The following TIMP2 variants were observed in gnomAD, a reference collection of about 807,000 sequenced individuals.
TIMP2 encodes metalloproteinase inhibitor 2.
A neutral mutation model predicts 24.3 loss-of-function variants in TIMP2; 5 were observed. The ratio of observed to expected loss-of-function variants is 0.21; its 90% CI spans 0.11 to 0.43. TIMP2 has a LOEUF of 0.43. Among genes scored for constraint, TIMP2 ranks in the 20% least tolerant of loss-of-function variants. The probability of loss-of-function intolerance (pLI) is 1.00; values close to 1 mark genes in which losing one functional copy is unlikely to be tolerated. For missense variants in TIMP2, 221 were observed against 297.5 expected (o/e 0.74, Z 1.89); for synonymous variants, 130 against 123.2 (o/e 1.06, Z -0.37).
In TIMP2 at chr17:78,879,792, G is replaced by A. The variant is rs148891698; in HGVS notation, c.131-5873C>T. 2.4e-4 allele frequency among the ~76,000 whole-genome samples: 37 copies of A among 152,228 alleles called. 1 individual carries two copies. The East Asian group carries it at 6.8e-3, about 28-fold the overall frequency. On this transcript the variant is annotated intron_variant, in intron 1 of 4. Coordinates refer to ENST00000262768, the MANE Select transcript of TIMP2 (RefSeq NM_003255.5). Reference sequence around the variant, plus strand: ...ATGCCGGCTACTGGAATGTACAACCGTCGGCTGAATTCAAAGCACACGCAA... The same window carrying A: ...ATGCCGGCTACTGGAATGTACAACCATCGGCTGAATTCAAAGCACACGCAA...
In TIMP2 at chr17:78,924,994, A is replaced by G. The variant is rs1287895792; in HGVS notation, c.95T>C (p.Val32Ala). 7.8e-7 allele frequency: 1 copy of G among 1,284,192 alleles called. No individual in the cohort carries two copies. Among genetic ancestry groups the G allele is most frequent in the Non-Finnish European group, 1.0e-6 (1 of 1,003,842 alleles). The allele number at this position is 1,284,192 out of a possible 1,614,324, so 79.5% of individuals were successfully genotyped here. Reference sequence around the variant, plus strand: ...ATTGCAAAACGCCTGTTGCGGGTGCACCGGGGAGCAGCTGCAGGCGTCGGC... The same window carrying G: ...ATTGCAAAACGCCTGTTGCGGGTGCGCCGGGGAGCAGCTGCAGGCGTCGGC... ...RPADACSCSP[V>A]HPQQAFCNAD... The change falls in exon 1 of 5, where the codon GTG (valine) becomes GCG (alanine). Residue 32 changes from valine (V) to alanine (A), a missense_variant. Transcript: ENST00000262768. The surrounding 1 kb of genome is among the most constrained non-coding windows in gnomAD (Gnocchi z 5.3).
chr17:78,918,058 A>ACG (rs2070275462), intron 1 of TIMP2, among the ~76,000 whole-genome samples: 1 of 97,966 alleles, frequency 1.0e-5, no homozygotes, highest in African/African-American at 4.4e-5. Flanking sequence ...GTACGCGTGC[A>ACG]CACACAAACA....
At chr17:78,868,710 T>G (rs372015302) in intron 3 of TIMP2, among the ~76,000 whole-genome samples, 4 of 151,956 alleles carry the variant, frequency 2.6e-5, no homozygotes, top group Admixed American at 1.3e-4. Context: ...TGAAATGAAA[T>G]AAAATTTAAA....
Position 78,891,028 on chromosome 17 carries a change from C to T in TIMP2, c.131-17109G>A. ...ATGCCGTCGAGCCCACTCTGTCTGC[C>T]TGGTCTTGAAGGTGGAGCTGAAGGG... is the stretch of plus-strand genomic sequence containing the variant. On this transcript the variant is annotated intron_variant, in intron 1 of 4. Transcript: ENST00000262768. The surrounding 1 kb of genome is among the most constrained non-coding windows in gnomAD (Gnocchi z 4.5). 1 of 1,551,210 alleles carries T rather than the reference C, an allele frequency of 6.4e-7. No individual in the cohort carries two copies. Among genetic ancestry groups the T allele is most frequent in the Non-Finnish European group, 8.7e-7 (1 of 1,147,136 alleles).
intron 3 of TIMP2, among the ~76,000 whole-genome samples, chr17:78,866,600 T>G (rs2069619713): frequency 6.8e-6 from 1 of 147,616 alleles, no homozygotes; most frequent in East Asian, 2.0e-4. Flanking sequence ...CCAATGTTCA[T>G]TGCAGTATTT....
intron 1 of TIMP2, among the ~76,000 whole-genome samples, chr17:78,888,335 T>C (rs2069845425): frequency 1.3e-5 from 2 of 152,168 alleles, no homozygotes; most frequent in Middle Eastern, 3.4e-3. Flanking sequence ...ATTTTTTGTA[T>C]TTTTAGTAGA....
At chr17:78,907,090 A>C (rs943685047) in intron 1 of TIMP2, among the ~76,000 whole-genome samples, 3 of 149,468 alleles carry the variant, frequency 2.0e-5, no homozygotes, top group Non-Finnish European at 4.5e-5. Context: ...CTTGAATGCA[A>C]TGGTGTGATC....
Position 78,925,144 on chromosome 17 carries a change from T to G in TIMP2, c.-56A>C. The G allele has an allele frequency of 2.2e-5, 15 of 687,288 alleles. No homozygotes were observed. Among genetic ancestry groups the G allele is most frequent in the South Asian group, 6.3e-5 (1 of 15,790 alleles). 42.6% of individuals were successfully genotyped at this position (687,288 alleles called of 1,614,324 possible). On this transcript the variant is annotated 5_prime_UTR_variant, in exon 1 of 5. Coordinates refer to ENST00000262768, the MANE Select transcript of TIMP2 (RefSeq NM_003255.5). The stretch of plus-strand genomic sequence containing the variant: ...CGCCGCTGGGGGGTCCGGGCGCTGC[T>G]CGCGGCGGCGGGCTGGGGGCGCGGG...
intron 1 of TIMP2, chr17:78,902,742 CA>C (rs1259808617): frequency 6.6e-6 from 1 of 152,276 alleles, no homozygotes; most frequent in Non-Finnish European, 1.5e-5. Flanking sequence ...GCTCACTAAA[CA>C]TACCTCGACA....
chr17:78,855,351 T>C lies in TIMP2; in HGVS notation c.*316A>G, dbSNP rs2069516697. On this transcript the variant is annotated 3_prime_UTR_variant, in exon 5 of 5. Coordinates refer to ENST00000262768, the MANE Select transcript of TIMP2 (RefSeq NM_003255.5). This position sits in a 1 kb window ranked among gnomAD's most constrained non-coding sequence, Gnocchi z 6.0. ...TGGGAGATCCCTAAGTGCTGCCTGC[T>C]TGGCATCTGTGACGGTGCCAAGGCA... 2.4e-6 allele frequency: 1 copy of C among 423,810 alleles called. No individual in the cohort carries two copies. Among genetic ancestry groups the C allele is most frequent in the Non-Finnish European group, 4.4e-6 (1 of 227,820 alleles). 26.3% of individuals were successfully genotyped at this position (423,810 alleles called of 1,614,324 possible).
At chr17:78,915,811 G>A (rs2070252694) in intron 1 of TIMP2, among the ~76,000 whole-genome samples, 2 of 152,114 alleles carry the variant, frequency 1.3e-5, no homozygotes, top group African/African-American at 2.4e-5. Context: ...TGATTCCACC[G>A]TGCCCGGCCT....
intron 1 of TIMP2, among the ~76,000 whole-genome samples, chr17:78,875,265 GCA>G (rs1220359750): frequency 6.6e-6 from 1 of 152,138 alleles, no homozygotes; most frequent in Non-Finnish European, 1.5e-5. Flanking sequence ...ACATCGGCAG[GCA>G]CAGCTGGCAG....
chr17:78,864,624 C>T (rs938354722), intron 3 of TIMP2, among the ~76,000 whole-genome samples: 2 of 152,092 alleles, frequency 1.3e-5, no homozygotes, highest in Non-Finnish European at 2.9e-5. Flanking sequence ...CTCGTGCCTC[C>T]TCCTTGAGAT....
chr17:78,875,835 A>C (rs548975540), intron 1 of TIMP2, among the ~76,000 whole-genome samples: 1 of 152,236 alleles, frequency 6.6e-6, no homozygotes, highest in Non-Finnish European at 1.5e-5. Flanking sequence ...ATCTGTGTCC[A>C]TCCCCCTGGG....
intron 1 of TIMP2, among the ~76,000 whole-genome samples, chr17:78,919,078 C>T (rs771719352): frequency 3.9e-4 from 60 of 152,350 alleles, no homozygotes; most frequent in African/African-American, 1.1e-3. Context: ...GGCACCCCTC[C>T]GGAGACGACT....
rs549583872 is a variant in TIMP2, at chr17:78,921,159, C to T, written c.130+3800G>A. 3.3e-5 allele frequency among the ~76,000 whole-genome samples: 5 copies of T among 152,288 alleles called. No individual in the cohort carries two copies. In the South Asian group the frequency reaches 6.2e-4, roughly 19 times the overall value. On this transcript the variant is annotated intron_variant, in intron 1 of 4. Transcript: ENST00000262768. The stretch of plus-strand genomic sequence containing the variant: ...CTGAAGACAGAGCCATTTTTGACTG[C>T]GTGCTGTGTGTTTTCTGGGGTGGCC...
intron 1 of TIMP2, among the ~76,000 whole-genome samples, chr17:78,884,129 G>A (rs1243677188): frequency 2.0e-5 from 3 of 152,206 alleles, no homozygotes. Flanking sequence ...GCAGGACCGT[G>A]CAGGGCAGGA....
intron 1 of TIMP2, among the ~76,000 whole-genome samples, chr17:78,907,369 T>G (rs2070169755): frequency 6.6e-6 from 1 of 152,140 alleles, no homozygotes; most frequent in African/African-American, 2.4e-5. Context: ...CTAATTTCAA[T>G]ATTGTTGTGT....
intron 1 of TIMP2, among the ~76,000 whole-genome samples, chr17:78,912,523 A>G (rs916000610): frequency 1.3e-5 from 2 of 152,232 alleles, no homozygotes; most frequent in Non-Finnish European, 2.9e-5. Context: ...CTGAAAGTCC[A>G]TCTTCCCTGC....
Sources: gnomAD v4.1 joint callset for allele counts (sites outside exome capture counted in the v4.1 genomes callset) on GRCh38, gnomAD v4.1.1 for gene constraint, Gnocchi (gnomAD v3.1) non-coding constraint, MANE v1.5 for transcripts, NCBI Gene and HGNC (gene_info 2026-07-23, HGNC 2026-07-21) for gene names.